ASAP1: variants seen among roughly 807,000 people sequenced by gnomAD.
ASAP1 encodes ArfGAP with SH3 domain, ankyrin repeat and PH domain 1.
ASAP1 carries 43 observed loss-of-function variants against 145.2 expected under a neutral mutation model. The ratio of observed to expected loss-of-function variants is 0.30; its 90% CI spans 0.23 to 0.38. ASAP1 has a LOEUF of 0.38. Ranked by LOEUF, ASAP1 falls within the 10% of genes least tolerant of loss-of-function variation. ASAP1 has a pLI of 1.00. For missense variants in ASAP1, 1,018 were observed against 1,355.3 expected (o/e 0.75, Z 3.91); for synonymous variants, 546 against 515.5 (o/e 1.06, Z -0.80).
chr8:130,107,750 T>C (rs2097539962), intron 24 of ASAP1, among the ~76,000 whole-genome samples: 1 of 151,858 alleles, frequency 6.6e-6, no homozygotes, highest in Non-Finnish European at 1.5e-5. Flanking sequence ...GGTTTCACCA[T>C]ATTGGCCAGG....
chr8:130,262,416 A>AAGAGAGAGAGAGAGAGAG (rs71513089), intron 3 of ASAP1, among the ~76,000 whole-genome samples: 3 of 57,850 alleles, frequency 5.2e-5, no homozygotes, highest in Admixed American at 2.7e-4. Flanking sequence ...AAAAAAAAAA[A>AAGAGAGAGAGAGAGAGAG]AGAGAGAGAG....
rs1191191367 is a variant in ASAP1 at position 130,083,846 on chromosome 8, T to A, written c.2573-3875A>T. The A allele has an allele frequency of 2.6e-5, 4 of 152,228 alleles. No individual in the cohort carries two copies. In the East Asian group the frequency reaches 7.7e-4, roughly 29 times the overall value. 9.4% of individuals were successfully genotyped at this position (152,228 alleles called of 1,614,324 possible). A position where few individuals can be genotyped will look rare whatever the true frequency, so the allele number is the denominator to read the frequency against. ...TTTGCTCTTGTTGCCCAGGCTGGAG[T>A]ACAACGGCATCATCTCAGCTCACTG... is the stretch of plus-strand genomic sequence containing the variant. On this transcript the variant is annotated intron_variant, in intron 25 of 29. Transcript: ENST00000518721.
At chr8:130,074,525 G>T (rs2097457912) in intron 27 of ASAP1, among the ~76,000 whole-genome samples, 1 of 151,928 alleles carries the variant, frequency 6.6e-6, no homozygotes, top group African/African-American at 2.4e-5. Flanking sequence ...GGTGGTAGGA[G>T]GGACACAGGT....
rs541589778 is a variant in ASAP1 at position 130,414,768 on chromosome 8, T to C, written c.-27-12798A>G. The stretch of plus-strand genomic sequence containing the variant: ...GTTCACTTCTATAACTCTTTTTTTT[T>C]TTTTTTTGAGACAGGGTCTTCCTCT... On this transcript the variant is annotated intron_variant, in intron 1 of 29. Transcript: ENST00000518721. 1.8e-4 allele frequency among the ~76,000 whole-genome samples: 28 copies of C among 152,156 alleles called. No homozygotes were observed. The South Asian group carries it at 5.8e-3, about 32-fold the overall frequency.
chr8:130,381,864 T>C (rs1827785435), intron 2 of ASAP1, among the ~76,000 whole-genome samples: 1 of 152,190 alleles, frequency 6.6e-6, no homozygotes, highest in Non-Finnish European at 1.5e-5. Context: ...TGCATGCTTG[T>C]TCCTTGTCAC....
intron 2 of ASAP1, among the ~76,000 whole-genome samples, chr8:130,395,755 CTCCCAGG>C (rs1336598385): frequency 6.6e-6 from 1 of 152,006 alleles, no homozygotes; most frequent in East Asian, 1.9e-4. Flanking sequence ...CAACCTCCAC[CTCCCAGG>C]TTCAAGCGAT....
rs563555236 is a variant in ASAP1, at chr8:130,382,434, G to A, written c.59+19451C>T. Among the ~76,000 whole-genome samples, 91 of 152,242 alleles carry A rather than the reference G, an allele frequency of 6.0e-4. 1 individual carries two copies. In the South Asian group the frequency reaches 0.018, roughly 30 times the overall value. ...AATACAAGGTGCTTAATAAAGATGT[G>A]TTGAATAAGTAACAAGTAACTGCTC... On this transcript the variant is annotated intron_variant, in intron 2 of 29. Transcript: ENST00000518721.
At chr8:130,312,728 G>A (rs377559678) in intron 3 of ASAP1, among the ~76,000 whole-genome samples, 1 of 152,154 alleles carries the variant, frequency 6.6e-6, no homozygotes, top group Non-Finnish European at 1.5e-5. Context: ...TGATCTTTCT[G>A]ATTCTAAAGC....
intron 3 of ASAP1, among the ~76,000 whole-genome samples, chr8:130,298,288 C>A (rs985334840): frequency 1.3e-5 from 2 of 152,170 alleles, no homozygotes; most frequent in African/African-American, 4.8e-5. Context: ...ATCTTTTCAA[C>A]ATGATGTACA....
chr8:130,362,160 A>G (rs552870949), intron 2 of ASAP1, among the ~76,000 whole-genome samples: 3 of 152,328 alleles, frequency 2.0e-5, no homozygotes, highest in African/African-American at 7.2e-5. Flanking sequence ...TTCCAGTTGC[A>G]GACCTCACTC....
At chr8:130,067,144 T>C (rs2097432467) in intron 27 of ASAP1, among the ~76,000 whole-genome samples, 1 of 152,164 alleles carries the variant, frequency 6.6e-6, no homozygotes, top group Admixed American at 6.5e-5. Context: ...ATAAGGCCCT[T>C]TTCTGTCTGG....
chr8:130,175,132 G>C (rs568924914), intron 9 of ASAP1, among the ~76,000 whole-genome samples: 1 of 152,310 alleles, frequency 6.6e-6, no homozygotes, highest in South Asian at 2.1e-4. Flanking sequence ...CAGTGGGTGT[G>C]AAGTGCTATT....
chr8:130,350,017 A>G (rs1168625282), intron 3 of ASAP1, among the ~76,000 whole-genome samples: 2 of 152,186 alleles, frequency 1.3e-5, no homozygotes, highest in Non-Finnish European at 1.5e-5. Context: ...ACAAACAGAC[A>G]ATGAAGGCAA....
intron 13 of ASAP1, among the ~76,000 whole-genome samples, chr8:130,151,945 T>A (rs990413923): frequency 2.0e-5 from 3 of 152,260 alleles, no homozygotes; most frequent in African/African-American, 7.2e-5. Flanking sequence ...TTTCTTCATC[T>A]GTAAAATGAA....
chr8:130,153,337 A>ATATATATATATATATATATATG (rs1416764959), intron 12 of ASAP1, among the ~76,000 whole-genome samples: 1 of 56,904 alleles, frequency 1.8e-5, no homozygotes, highest in African/African-American at 6.2e-5. Context: ...TTTTAAATAT[A>ATATATATATATATATATATATG]TATATATATA....
Position 130,401,909 on chromosome 8 carries a change from G to A in ASAP1, c.35C>T (p.Ser12Leu), listed in dbSNP as rs1565285676. ...RSSASRLSSF[S>L]SRDSLWNRMP... Reference sequence around the variant, plus strand: ...CCGATTCCATAGTGAATCTCTCGACGAAAAACTGGAGAGCCTGGAGGCTGA... The same window carrying A: ...CCGATTCCATAGTGAATCTCTCGACAAAAAACTGGAGAGCCTGGAGGCTGA... The change falls in exon 2 of 30, where the codon TCG becomes TTG. Residue 12 changes from serine (S) to leucine (L), a missense_variant. Physicochemically the swap from Ser to Leu is moderately radical, Grantham distance 145. Transcript: ENST00000518721. 4.3e-6 allele frequency: 7 copies of A among 1,613,578 alleles called. No homozygotes were observed. Among genetic ancestry groups the A allele is most frequent in the Non-Finnish European group, 5.9e-6 (7 of 1,179,882 alleles).
intron 18 of ASAP1, among the ~76,000 whole-genome samples, chr8:130,119,791 A>G (rs1440230219): frequency 6.7e-6 from 1 of 150,282 alleles, no homozygotes; most frequent in Non-Finnish European, 1.5e-5. Flanking sequence ...CTTAATCGTC[A>G]TGAGCTTCAG....
At chr8:130,429,989 AG>A (rs900459384) in intron 1 of ASAP1, among the ~76,000 whole-genome samples, 16 of 152,336 alleles carry the variant, frequency 1.1e-4, no homozygotes, top group Admixed American at 9.1e-4. Context: ...CTGATTGCCC[AG>A]GAAGTTACAA....
At chr8:130,364,410 A>T (rs529398648) in intron 2 of ASAP1, among the ~76,000 whole-genome samples, 2 of 152,332 alleles carry the variant, frequency 1.3e-5, no homozygotes, top group African/African-American at 4.8e-5. Context: ...TAAAGCAGGT[A>T]CTGTATTATT....
Sources: gnomAD v4.1 joint callset for allele counts (sites outside exome capture counted in the v4.1 genomes callset) on GRCh38, gnomAD v4.1.1 for gene constraint, MANE v1.5 for transcripts, NCBI Gene and HGNC (gene_info 2026-07-23, HGNC 2026-07-21) for gene names.